FRMD3: variants seen among roughly 807,000 people sequenced by gnomAD.
FRMD3 encodes the protein FERM domain-containing protein 3.
Under a neutral mutation model 70.2 loss-of-function variants are expected in FRMD3, and 33 were observed. That is an observed-to-expected ratio of 0.47 (90% CI 0.36 to 0.63). The LOEUF (loss-of-function observed/expected upper bound fraction) is 0.63. Among genes scored for constraint, FRMD3 ranks in the 20% least tolerant of loss-of-function variants. The pLI is 0.00. For missense variants in FRMD3, 632 were observed against 711.4 expected, an observed-to-expected ratio of 0.89 and a Z score of 1.27; for synonymous variants, 279 against 255.9, an observed-to-expected ratio of 1.09 and a Z score of -0.86.
intron 12 of FRMD3, among the ~76,000 whole-genome samples, chr9:83,298,169 A>G (rs547110584): frequency 3.3e-5 from 5 of 152,348 alleles, no homozygotes; most frequent in East Asian, 1.9e-4. Flanking sequence ...GATATGCAGC[A>G]TATTTGAGGT....
chr9:83,550,209 C>CT, the FRMD3 span, among the ~76,000 whole-genome samples: 1 of 152,048 alleles, frequency 6.6e-6, no homozygotes, highest in African/African-American at 2.4e-5. Context: ...AATAGGAAGT[C>CT]TTTTCCCCAT....
At chr9:83,317,853 C>T (rs532578996) in intron 6 of FRMD3, among the ~76,000 whole-genome samples, 2 of 152,206 alleles carry the variant, frequency 1.3e-5, no homozygotes, top group East Asian at 1.9e-4. Flanking sequence ...TGGAAAAAGG[C>T]AAGCTACAGT....
chr9:83,336,212 A>G (rs978013100), intron 5 of FRMD3, among the ~76,000 whole-genome samples: 3 of 152,222 alleles, frequency 2.0e-5, no homozygotes, highest in Non-Finnish European at 4.4e-5. Context: ...AAAACAAATG[A>G]TAAGTATATG....
At chr9:83,397,223 G>A (rs1489761084) in intron 1 of FRMD3, among the ~76,000 whole-genome samples, 1 of 152,190 alleles carries the variant, frequency 6.6e-6, no homozygotes, top group East Asian at 1.9e-4. Flanking sequence ...CCTGAAAAAT[G>A]AACTCTGCAG....
intron 1 of FRMD3, among the ~76,000 whole-genome samples, chr9:83,494,799 G>A (rs537350346): frequency 1.3e-5 from 2 of 151,696 alleles, no homozygotes; most frequent in South Asian, 4.2e-4. Context: ...TGTAGTCCCA[G>A]CTACATTTAT....
At chr9:83,560,430 G>A in the FRMD3 span, among the ~76,000 whole-genome samples, 1 of 152,184 alleles carries the variant, frequency 6.6e-6, no homozygotes, top group Non-Finnish European at 1.5e-5. Context: ...TGTACATGGA[G>A]CCAAACTAAC....
At position 83,520,625 on chromosome 9, in the gene FRMD3, G is replaced by C. The variant is rs1829549965; in HGVS notation, c.147+17460C>G. 2.0e-5 allele frequency among the ~76,000 whole-genome samples: 3 copies of C among 152,324 alleles called. No individual in the cohort carries two copies. In the South Asian group the frequency reaches 6.2e-4, roughly 32 times the overall value. On this transcript the variant is annotated intron_variant, in intron 1 of 13. Coordinates refer to ENST00000304195, the MANE Select transcript of FRMD3 (RefSeq NM_174938.6). ...TGCAAGGGCTCGATAGCCATCTGAG[G>C]CTAGTGGCTACCAAACTGGACAGCA...
intron 6 of FRMD3, among the ~76,000 whole-genome samples, chr9:83,324,847 A>C (rs1406418754): frequency 6.6e-6 from 1 of 152,200 alleles, no homozygotes. Context: ...CTAGTCATGT[A>C]TGGGCAAACG....
At chr9:83,376,564 T>C (rs1451242669) in intron 2 of FRMD3, among the ~76,000 whole-genome samples, 5 of 151,736 alleles carry the variant, frequency 3.3e-5, no homozygotes, top group South Asian at 2.1e-4. Context: ...ATGTGAATTA[T>C]GAACTCAAAG....
intron 1 of FRMD3, among the ~76,000 whole-genome samples, chr9:83,393,126 G>C (rs1825713750): frequency 6.6e-6 from 1 of 152,138 alleles, no homozygotes; most frequent in Admixed American, 6.5e-5. Context: ...CTCTAAATGA[G>C]GTTGTATGGT....
chr9:83,545,881 A>G, the FRMD3 span, among the ~76,000 whole-genome samples: 1 of 152,202 alleles, frequency 6.6e-6, no homozygotes, highest in African/African-American at 2.4e-5. Flanking sequence ...TTGCAAGACA[A>G]ACATCACCAA....
the FRMD3 span, among the ~76,000 whole-genome samples, chr9:83,579,842 A>G: frequency 6.6e-6 from 1 of 152,248 alleles, no homozygotes; most frequent in South Asian, 2.1e-4. Flanking sequence ...AACAAGGTGA[A>G]GAGACATCTT....
rs1174015040 is a variant in FRMD3 at position 83,426,979 on chromosome 9, T to C, written c.148-37271A>G. On this transcript the variant is annotated intron_variant, in intron 1 of 13. Transcript: ENST00000304195. The stretch of plus-strand genomic sequence containing the variant: ...ACCAAACAAACTTATTTCCCCTTAA[T>C]GACATTGCTTCCCAGCTAGATCTGT... Among the ~76,000 whole-genome samples the C allele has an allele frequency of 2.0e-5, 3 of 152,198 alleles. No individual in the cohort carries two copies. In the East Asian group the frequency reaches 5.8e-4, roughly 29 times the overall value.
At chr9:83,381,669 C>G (rs951983880) in intron 2 of FRMD3, among the ~76,000 whole-genome samples, 22 of 152,238 alleles carry the variant, frequency 1.4e-4, no homozygotes, top group African/African-American at 5.3e-4. Context: ...AGAGAGATAA[C>G]AGCCAGAAGA....
At chr9:83,364,874 AT>A (rs1824738382) in intron 3 of FRMD3, among the ~76,000 whole-genome samples, 1 of 152,254 alleles carries the variant, frequency 6.6e-6, no homozygotes, top group Non-Finnish European at 1.5e-5. Context: ...AATGCCTTGA[AT>A]AAAAATTTAT....
rs767263716 is a variant in FRMD3 at position 83,349,659 on chromosome 9, T to C, written c.374+20A>G. The stretch of plus-strand genomic sequence containing the variant: ...GCTGGTTAAAGGTGCACGTTAAACA[T>C]ACAAACAAACAAAAAATACCTTGTG... On this transcript the variant is annotated intron_variant, in intron 4 of 13. Coordinates refer to ENST00000304195, the MANE Select transcript of FRMD3 (RefSeq NM_174938.6). 1.9e-6 allele frequency: 3 copies of C among 1,583,122 alleles called. No individual in the cohort carries two copies. The highest frequency in any genetic ancestry group is 2.7e-5 in the African/African-American group (2 of 74,356).
At chr9:83,500,744 C>T (rs2131512496) in intron 1 of FRMD3, among the ~76,000 whole-genome samples, 1 of 152,256 alleles carries the variant, frequency 6.6e-6, no homozygotes, top group South Asian at 2.1e-4. Flanking sequence ...TTAATACATC[C>T]TGTGGACTCT....
intron 1 of FRMD3, among the ~76,000 whole-genome samples, chr9:83,410,769 A>G (rs920497666): frequency 1.3e-5 from 2 of 152,246 alleles, no homozygotes; most frequent in African/African-American, 4.8e-5. Flanking sequence ...CTCATGAAAC[A>G]GTGTATAAGT....
intron 1 of FRMD3, among the ~76,000 whole-genome samples, chr9:83,479,723 AAGAAAGG>A (rs1371289994): frequency 0.015 from 946 of 64,014 alleles, 71 homozygotes; most frequent in African/African-American, 0.054. Flanking sequence ...AAAGAAAGAA[AAGAAAGG>A]GAAAGAAAGA....
Sources: allele counts gnomAD v4.1 joint callset (sites outside exome capture counted in the v4.1 genomes callset), GRCh38; gene constraint gnomAD v4.1.1; transcripts MANE v1.5; gene names NCBI Gene and HGNC (gene_info 2026-07-23, HGNC 2026-07-21).